KCNK2: variants seen among roughly 807,000 people sequenced by gnomAD.
The protein encoded by KCNK2 is potassium channel subfamily K member 2.
KCNK2 carries 21 observed loss-of-function variants against 40.5 expected under a neutral mutation model. That is an observed-to-expected ratio of 0.52 (90% CI 0.37 to 0.75). KCNK2 has a LOEUF of 0.75. Ranked by LOEUF, KCNK2 falls within the 30% of genes least tolerant of loss-of-function variation. KCNK2 has a pLI of 0.00. For synonymous variants in KCNK2, 191 were observed against 202.2 expected, an observed-to-expected ratio of 0.94 and a Z score of 0.47; for missense variants, 399 against 531.6, an observed-to-expected ratio of 0.75 and a Z score of 2.45.
chr1:215,093,431 CATATA>C (rs1389826813), intron 2 of KCNK2, among the ~76,000 whole-genome samples: 3 of 123,084 alleles, frequency 2.4e-5, no homozygotes, highest in Non-Finnish European at 4.8e-5. Context: ...ATATTATGTA[CATATA>C]ATATACATAT....
chr1:215,225,168 A>G (rs1321705028), intron 6 of KCNK2, among the ~76,000 whole-genome samples: 1 of 152,190 alleles, frequency 6.6e-6, no homozygotes, highest in Non-Finnish European at 1.5e-5. Flanking sequence ...TTCCATTTTT[A>G]TGTACTTTGT....
intron 6 of KCNK2, among the ~76,000 whole-genome samples, chr1:215,210,433 C>T (rs1665691744): frequency 6.6e-6 from 1 of 151,980 alleles, no homozygotes; most frequent in Middle Eastern, 3.4e-3. Context: ...TACACAAGTT[C>T]AACAAAAGTC....
intron 5 of KCNK2, among the ~76,000 whole-genome samples, chr1:215,190,589 T>G (rs1038844106): frequency 1.3e-5 from 2 of 152,188 alleles, no homozygotes; most frequent in African/African-American, 4.8e-5. Flanking sequence ...CATTTTAAAG[T>G]GGGATACTTA....
chr1:215,219,929 G>A (rs963029953), intron 6 of KCNK2, among the ~76,000 whole-genome samples: 1 of 152,114 alleles, frequency 6.6e-6, no homozygotes, highest in Non-Finnish European at 1.5e-5. Context: ...CAGCACATTA[G>A]ATGTTCCAGA....
rs150275914 is a variant in KCNK2 at position 215,071,325 on chromosome 1, G to A, written c.35-15043G>A. Among the ~76,000 whole-genome samples, 800 of 152,314 alleles carry A rather than the reference G, an allele frequency of 5.3e-3. 4 individuals carry two copies. The highest frequency in any genetic ancestry group is 6.0e-3 in the Non-Finnish European group (408 of 68,036). On this transcript the variant is annotated intron_variant, in intron 1 of 6. Transcript: ENST00000391895. The stretch of plus-strand genomic sequence containing the variant: ...TGCACATTATCACATAGAGGGGTTT[G>A]CAGGGATGATAGATGAGAGTGTCTA...
At chr1:215,085,576 C>T (rs970210089) in intron 1 of KCNK2, among the ~76,000 whole-genome samples, 4 of 152,106 alleles carry the variant, frequency 2.6e-5, no homozygotes, top group Non-Finnish European at 5.9e-5. Flanking sequence ...AGGTGTGAGC[C>T]ACGGTTTTCA....
chr1:215,179,914 T>TA (rs1664156252), intron 5 of KCNK2, among the ~76,000 whole-genome samples: 1 of 152,112 alleles, frequency 6.6e-6, no homozygotes, highest in African/African-American at 2.4e-5. Context: ...CAGAACTTCT[T>TA]AGTTTTCTGC....
intron 1 of KCNK2, among the ~76,000 whole-genome samples, chr1:215,076,514 C>T (rs911887147): frequency 6.6e-6 from 1 of 152,132 alleles, no homozygotes; most frequent in Non-Finnish European, 1.5e-5. Flanking sequence ...AGGAGCTCCA[C>T]CTGCAGGCTT....
At chr1:215,214,886 C>A (rs1385897876) in intron 6 of KCNK2, among the ~76,000 whole-genome samples, 1 of 152,054 alleles carries the variant, frequency 6.6e-6, no homozygotes, top group Non-Finnish European at 1.5e-5. Context: ...TATGGATTGT[C>A]CCCTATTGGA....
chr1:215,074,987 A>G (rs530054820), intron 1 of KCNK2, among the ~76,000 whole-genome samples: 5 of 152,216 alleles, frequency 3.3e-5, no homozygotes, highest in Non-Finnish European at 7.3e-5. Flanking sequence ...CCCTTATTCA[A>G]TATCTTATTC....
intron 5 of KCNK2, 92 bp downstream of exon 5, chr1:215,172,275 A>C: frequency 8.5e-7 from 1 of 1,172,330 alleles, no homozygotes; most frequent in South Asian, 1.5e-5. Flanking sequence ...CAAGGGCTGT[A>C]TGAGTTTTCT....
chr1:215,205,395 G>A (rs761689028), intron 6 of KCNK2, among the ~76,000 whole-genome samples: 6 of 151,996 alleles, frequency 3.9e-5, no homozygotes, highest in Non-Finnish European at 8.8e-5. Flanking sequence ...ACACCACCAC[G>A]CCCGGCTAAT....
intron 5 of KCNK2, among the ~76,000 whole-genome samples, chr1:215,172,424 T>G (rs1324850690): frequency 6.6e-6 from 1 of 152,116 alleles, no homozygotes; most frequent in Admixed American, 6.6e-5. Context: ...AGCCTCTTCC[T>G]AATTTCTGGT....
intron 3 of KCNK2, among the ~76,000 whole-genome samples, chr1:215,147,194 C>T (rs890158262): frequency 4.6e-5 from 7 of 152,012 alleles, no homozygotes; most frequent in Admixed American, 3.3e-4. Flanking sequence ...ATATAGCTTG[C>T]GACCCATAAA....
At chr1:215,086,965 G>T (rs1659471704) in intron 2 of KCNK2, among the ~76,000 whole-genome samples, 3 of 151,806 alleles carry the variant, frequency 2.0e-5, no homozygotes, top group African/African-American at 7.3e-5. Flanking sequence ...CTTTCCTGTT[G>T]TCTTCCTGCT....
At chr1:215,136,766 A>G (rs1274075097) in intron 3 of KCNK2, among the ~76,000 whole-genome samples, 1 of 152,182 alleles carries the variant, frequency 6.6e-6, no homozygotes, top group East Asian at 1.9e-4. Flanking sequence ...TTTCACTCAT[A>G]TGACATTGGC....
At chr1:215,148,884 G>A (rs529105067) in intron 3 of KCNK2, among the ~76,000 whole-genome samples, 81 of 152,274 alleles carry the variant, frequency 5.3e-4, no homozygotes, top group Non-Finnish European at 9.7e-4. Context: ...CCTTGTGTCA[G>A]CTAGAGGGAG....
At chr1:215,088,589 A>C (rs1261240468) in intron 2 of KCNK2, among the ~76,000 whole-genome samples, 1 of 151,998 alleles carries the variant, frequency 6.6e-6, no homozygotes. Flanking sequence ...AAAAAAAAAA[A>C]ACCATGACCA....
chr1:215,141,036 A>T (rs989992801), intron 3 of KCNK2, among the ~76,000 whole-genome samples: 1 of 148,720 alleles, frequency 6.7e-6, no homozygotes, highest in East Asian at 2.0e-4. Context: ...AGACACAAAC[A>T]CACACACTAG....
Sources: allele counts gnomAD v4.1 joint callset (sites outside exome capture counted in the v4.1 genomes callset), GRCh38; gene constraint gnomAD v4.1.1; transcripts MANE v1.5; gene names NCBI Gene and HGNC (gene_info 2026-07-23, HGNC 2026-07-21).